The following FECH variants were observed in gnomAD, a reference collection of about 807,000 sequenced individuals.
The protein encoded by FECH is ferrochelatase, mitochondrial.
Under a neutral mutation model 56.9 loss-of-function variants are expected in FECH, and 40 were observed. The ratio of observed to expected loss-of-function variants is 0.70; its 90% CI spans 0.55 to 0.92. FECH has a LOEUF of 0.92. Ranked by LOEUF, FECH falls within the 40% of genes least tolerant of loss-of-function variation. The pLI is 0.00. For missense variants in FECH, 431 were observed against 529.1 expected (o/e 0.81, Z 1.82); for synonymous variants, 175 against 198.6 (o/e 0.88, Z 1.00).
chr18:57,569,876 C>A (rs2051071663), intron 4 of FECH, among the ~76,000 whole-genome samples: 1 of 151,650 alleles, frequency 6.6e-6, no homozygotes, highest in South Asian at 2.1e-4. Context: ...CTTTGTTTCC[C>A]AGGCTGGAAT....
At chr18:57,554,185 T>A (rs1403883382) in intron 9 of FECH, 75 bp downstream of exon 9, 1 of 1,456,484 alleles carries the variant, frequency 6.9e-7, no homozygotes, top group African/African-American at 1.4e-5. Flanking sequence ...TTCTGAATGA[T>A]ACATTAGTTA....
At chr18:57,557,314 G>C (rs538251954) in intron 7 of FECH, among the ~76,000 whole-genome samples, 2 of 152,274 alleles carry the variant, frequency 1.3e-5, no homozygotes, top group Admixed American at 6.5e-5. Flanking sequence ...GAGTGTGCTA[G>C]ATCAGTGTTC....
At chr18:57,554,762 GA>G in intron 8 of FECH, 82 bp downstream of exon 8, 2 of 1,164,026 alleles carry the variant, frequency 1.7e-6, no homozygotes, top group Non-Finnish European at 2.6e-6. Flanking sequence ...CCATGTGTAA[GA>G]GCCAAATCTA....
chr18:57,559,750 C>T (rs1431383892), intron 6 of FECH, among the ~76,000 whole-genome samples: 1 of 152,130 alleles, frequency 6.6e-6, no homozygotes, highest in Non-Finnish European at 1.5e-5. Flanking sequence ...GCCTCATATC[C>T]CCATCAAGTC....
chr18:57,577,087 TA>T (rs1321814241), intron 2 of FECH, among the ~76,000 whole-genome samples: 1 of 152,180 alleles, frequency 6.6e-6, no homozygotes, highest in Non-Finnish European at 1.5e-5. Flanking sequence ...TAATAAACAA[TA>T]ATTCTATTCT....
chr18:57,579,289 A>ATGTGTG (rs71171043), intron 2 of FECH, among the ~76,000 whole-genome samples: 13 of 141,920 alleles, frequency 9.2e-5, no homozygotes, highest in African/African-American at 2.9e-4. Flanking sequence ...GTGTGTATAT[A>ATGTGTG]TGTGTGTGTG....
chr18:57,556,470 G>T (rs541591674), intron 7 of FECH, among the ~76,000 whole-genome samples: 1 of 152,292 alleles, frequency 6.6e-6, no homozygotes, highest in African/African-American at 2.4e-5. Context: ...AGACCCCCGG[G>T]TGTGAGGCAC....
chr18:57,570,022 T>C (rs1332504659), intron 4 of FECH, among the ~76,000 whole-genome samples: 1 of 119,348 alleles, frequency 8.4e-6, no homozygotes, highest in Admixed American at 8.6e-5. Flanking sequence ...GTTGTTGTTG[T>C]TGTTGTTGTC....
Position 57,562,618 on chromosome 18 carries a change from C to T in FECH, c.705+256G>A, listed in dbSNP as rs969996003. The stretch of plus-strand genomic sequence containing the variant: ...TCTTCTGGTCATAGGAAACACAAAA[C>T]TCAAAATATCGTTTTGTTATGGTTT... On this transcript the variant is annotated intron_variant, in intron 6 of 10. Coordinates refer to ENST00000262093, the MANE Select transcript of FECH (RefSeq NM_000140.5). Among the ~76,000 whole-genome samples, 28 of 152,174 alleles carry T rather than the reference C, an allele frequency of 1.8e-4. 1 individual carries two copies. The highest frequency in any genetic ancestry group is 1.6e-3 in the Admixed American group (24 of 15,272).
intron 9 of FECH, among the ~76,000 whole-genome samples, chr18:57,553,019 C>T (rs985671074): frequency 1.3e-5 from 2 of 152,136 alleles, no homozygotes; most frequent in African/African-American, 2.4e-5. Context: ...TATGATTGTG[C>T]CACTGCACCC....
chr18:57,559,156 G>C lies in FECH; in HGVS notation c.793C>G (p.Leu265Val), dbSNP rs570262703. The change falls in exon 7 of 11, where the codon CTG becomes GTG. Residue 265 changes from leucine to valine, a missense_variant. By Grantham distance (32) the Leu-to-Val change is conservative (BLOSUM62 1). Transcript: ENST00000262093. The part of the protein sequence containing the change: ...EVVILFSAHS[L>V]PMSVVNRGDP... ...ATGTTCTTACTTACAGACATGGGCA[G>C]TGAGTGAGCAGAAAACAGAATGACC... 17 of 1,610,174 alleles carry C rather than the reference G, an allele frequency of 1.1e-5. No homozygotes were observed. The East Asian group carries it at 1.6e-4, about 15-fold the overall frequency.
intron 8 of FECH, 99 bp downstream of exon 8, chr18:57,554,746 G>T: frequency 2.1e-6 from 2 of 963,596 alleles, no homozygotes; most frequent in Non-Finnish European, 1.7e-6. Flanking sequence ...TTATGGAAGA[G>T]CCTGACCATG....
At chr18:57,582,868 C>G (rs1287671105) in intron 1 of FECH, among the ~76,000 whole-genome samples, 3 of 150,852 alleles carry the variant, frequency 2.0e-5, no homozygotes, top group African/African-American at 7.3e-5. Flanking sequence ...GACGAGATCA[C>G]ACCACTGCAC....
At chr18:57,572,880 C>T (rs2051134728) in intron 3 of FECH, 1 of 189,580 alleles carries the variant, frequency 5.3e-6, no homozygotes, top group Non-Finnish European at 1.1e-5. Flanking sequence ...AGGGCAGCAA[C>T]AATCCATATT....
At chr18:57,585,121 C>T (rs1391798148) in intron 1 of FECH, among the ~76,000 whole-genome samples, 1 of 151,974 alleles carries the variant, frequency 6.6e-6, no homozygotes, top group Non-Finnish European at 1.5e-5. Context: ...GGCCCACCCC[C>T]GGAAGCTTCT....
rs757733126 is a variant in FECH at position 57,586,562 on chromosome 18, C to T, written c.59G>A (p.Arg20His). 2.0e-6 allele frequency: 3 copies of T among 1,521,448 alleles called. No homozygotes were observed. The highest frequency in any genetic ancestry group is 2.6e-6 in the Non-Finnish European group (3 of 1,141,336). The allele number at this position is 1,521,448 out of a possible 1,614,324, so 94.2% of individuals were successfully genotyped here. Residue 20 changes from arginine (R) to histidine (H), a missense_variant, in exon 1 of 11, where the codon CGC becomes CAC. Arg to His is a conservative substitution (Grantham distance 29). Transcript: ENST00000262093. The part of the protein sequence containing the change: ...AALRAAGVLL[R>H]DPLASSSWRV... Reference sequence around the variant, plus strand: ...GCGACAGACCCACTTACGCGGATCGCGGAGCAGGACGCCCGCGGCGCGCAG... The same window carrying T: ...GCGACAGACCCACTTACGCGGATCGTGGAGCAGGACGCCCGCGGCGCGCAG...
rs111761849 is a variant in FECH, at chr18:57,558,866, A to G, written c.804+279T>C. ...AGCCCATGAGGTGGAGGTTGCAGTG[A>G]GCCGAGACTGCACCATTGCACTCCA... On this transcript the variant is annotated intron_variant, in intron 7 of 10. Coordinates refer to ENST00000262093, the MANE Select transcript of FECH (RefSeq NM_000140.5). Among the ~76,000 whole-genome samples the G allele has an allele frequency of 0.032, 4,828 of 152,248 alleles. 115 individuals carry two copies. Among genetic ancestry groups the G allele is most frequent in the East Asian group, 0.092 (476 of 5,186 alleles).
At chr18:57,565,612 TG>T (rs2051006318) in intron 5 of FECH, among the ~76,000 whole-genome samples, 1 of 152,084 alleles carries the variant, frequency 6.6e-6, no homozygotes, top group Non-Finnish European at 1.5e-5. Context: ...TTCAAACTCT[TG>T]AGGGTATCTT....
intron 4 of FECH, among the ~76,000 whole-genome samples, chr18:57,569,767 T>C (rs1266494860): frequency 1.3e-5 from 2 of 151,774 alleles, no homozygotes; most frequent in Admixed American, 1.3e-4. Context: ...ACAGGAAAAA[T>C]GGGAACCTTT....
Sources: gnomAD v4.1 joint callset for allele counts (sites outside exome capture counted in the v4.1 genomes callset) on GRCh38, gnomAD v4.1.1 for gene constraint, MANE v1.5 for transcripts, NCBI Gene and HGNC (gene_info 2026-07-23, HGNC 2026-07-21) for gene names.